AP1B1: variants seen among roughly 807,000 people sequenced by gnomAD.
AP1B1 encodes the protein AP-1 complex subunit beta-1.
Under a neutral mutation model 104.3 loss-of-function variants are expected in AP1B1, and 36 were observed. The observed-to-expected ratio is 0.35, with a 90% CI of 0.26 to 0.46. The LOEUF (loss-of-function observed/expected upper bound fraction) is 0.46. AP1B1 is among the 20% of genes least tolerant of loss of function. AP1B1 has a pLI of 1.00. For missense variants in AP1B1, 901 were observed against 1,247.9 expected, an observed-to-expected ratio of 0.72 and a Z score of 4.19; for synonymous variants, 504 against 517.5, an observed-to-expected ratio of 0.97 and a Z score of 0.35.
intron 21 of AP1B1, 55 bp from the exon 22 acceptor site, chr22:29,329,775 A>G: frequency 1.9e-6 from 3 of 1,610,832 alleles, no homozygotes; most frequent in South Asian, 1.1e-5. Flanking sequence ...ACACAGGGAG[A>G]CGGAAGTTAC....
chr22:29,386,042 C>T (rs1324494979), intron 1 of AP1B1, among the ~76,000 whole-genome samples: 2 of 152,198 alleles, frequency 1.3e-5, no homozygotes, highest in African/African-American at 4.8e-5. Context: ...AAGGAAGTAA[C>T]GCTCCAGAAG....
chr22:29,360,248 T>C (rs2062024450), intron 3 of AP1B1, among the ~76,000 whole-genome samples: 1 of 152,220 alleles, frequency 6.6e-6, no homozygotes, highest in Non-Finnish European at 1.5e-5. Context: ...TCTTGCTAGC[T>C]ATATGACATT....
chr22:29,330,431 C>T lies in AP1B1; in HGVS notation c.2713G>A (p.Gly905Ser), dbSNP rs764213357. Reference protein sequence around the residue: ...MLYQSLKLTNGIWVLAELRIQ... With the variant: ...MLYQSLKLTNSIWVLAELRIQ... ...CGCAGCTCCGCCAGCACCCAGATGC[C>T]GTTGGTCAGCTTCAGGGACTGGTAG... is the stretch of plus-strand genomic sequence containing the variant. Residue 905 changes from glycine (G) to serine (S), a missense_variant, in exon 21 of 23, where the codon GGC (glycine) becomes AGC (serine). By Grantham distance (56) the Gly-to-Ser change is moderately conservative. Around this residue, in one of 3 missense-constraint regions of AP1B1, gnomAD observed 424 missense variants for 494.0 expected, o/e 0.86. Transcript: ENST00000357586. 3.7e-6 allele frequency: 6 copies of T among 1,613,862 alleles called. No homozygotes were observed. The highest frequency in any genetic ancestry group is 2.2e-5 in the South Asian group (2 of 91,090).
At chr22:29,354,948 T>C in intron 6 of AP1B1, 77 bp from the exon 7 acceptor site, 7 of 1,341,054 alleles carry the variant, frequency 5.2e-6, no homozygotes, top group Non-Finnish European at 7.4e-6. Context: ...CAAAATAGCA[T>C]GTCCAGGCCA....
chr22:29,373,773 G>A (rs2062283180), intron 1 of AP1B1, among the ~76,000 whole-genome samples: 1 of 151,896 alleles, frequency 6.6e-6, no homozygotes, highest in African/African-American at 2.4e-5. Flanking sequence ...CTGGTAGTGG[G>A]CACCTGTAAT....
intron 11 of AP1B1, 144 bp downstream of exon 11, chr22:29,349,074 C>A: frequency 2.2e-6 from 2 of 906,054 alleles, no homozygotes; most frequent in Non-Finnish European, 3.3e-6. Context: ...GGAAAAGGGG[C>A]GGTGTCCATT....
chr22:29,342,406 G>A, intron 11 of AP1B1, 23 bp from the exon 12 acceptor site: 3 of 1,602,110 alleles, frequency 1.9e-6, no homozygotes, highest in Non-Finnish European at 2.6e-6. Context: ...GCGGTGACGA[G>A]GAGGAAGTGT....
intron 7 of AP1B1, among the ~76,000 whole-genome samples, chr22:29,354,256 A>T (rs2061920672): frequency 6.6e-6 from 1 of 152,200 alleles, no homozygotes; most frequent in Non-Finnish European, 1.5e-5. Flanking sequence ...TATGAAGACA[A>T]TATCTAGTTT....
intron 22 of AP1B1, chr22:29,329,385 G>A (rs2061523103): frequency 8.0e-7 from 1 of 1,249,680 alleles, no homozygotes; most frequent in Non-Finnish European, 1.0e-6. Context: ...CTGAGCTTGA[G>A]ATCACAGGCA....
chr22:29,354,759 A>G lies in AP1B1; in HGVS notation c.829T>C (p.Tyr277His). 6.2e-7 allele frequency: 1 copy of G among 1,614,142 alleles called. No homozygotes were observed. The highest frequency in any genetic ancestry group is 8.5e-7 in the Non-Finnish European group (1 of 1,180,032). ...GCCAGCTTCTTGAGCAGTGTGCCGT[A>G]GTAGTCCAAGTCCTTAGACAACATC... ...MEMLSKDLDY[Y>H]GTLLKKLAPP... Residue 277 changes from tyrosine (Y) to histidine (H), a missense_variant, in exon 7 of 23, where the codon TAC becomes CAC. Coordinates refer to ENST00000357586, the MANE Select transcript of AP1B1 (RefSeq NM_001127.4).
chr22:29,371,282 A>T (rs2062232575), intron 1 of AP1B1, among the ~76,000 whole-genome samples: 1 of 152,198 alleles, frequency 6.6e-6, no homozygotes, highest in Non-Finnish European at 1.5e-5. Flanking sequence ...GTTCAGTCCT[A>T]ACGGGGCTCA....
chr22:29,377,398 T>C (rs1421889161), intron 1 of AP1B1, among the ~76,000 whole-genome samples: 1 of 152,016 alleles, frequency 6.6e-6, no homozygotes, highest in African/African-American at 2.4e-5. Flanking sequence ...TCAATCACTA[T>C]GAGAAAATAA....
intron 7 of AP1B1, among the ~76,000 whole-genome samples, chr22:29,353,877 A>T (rs1227895703): frequency 6.6e-6 from 1 of 152,198 alleles, no homozygotes; most frequent in Non-Finnish European, 1.5e-5. Flanking sequence ...TTTGACCAAA[A>T]GCTGTGAGGA....
chr22:29,375,950 A>C (rs142903402), intron 1 of AP1B1, among the ~76,000 whole-genome samples: 226 of 152,148 alleles, frequency 1.5e-3, no homozygotes, highest in African/African-American at 5.0e-3. Context: ...AAGCTTGAAA[A>C]CCAGTCTACT....
rs1271806353 is a variant in AP1B1, at chr22:29,349,580, C to G, written c.1272-197G>C. 2.6e-5 allele frequency among the ~76,000 whole-genome samples: 4 copies of G among 151,668 alleles called. No individual in the cohort carries two copies. The East Asian group carries it at 7.7e-4, about 29-fold the overall frequency. ...CCAGGCTGGTGTGCAGTGGTGTGATCTCACCTCACTGCAACCTCCACCTCC... is the reference window on the plus strand; with the variant it reads ...CCAGGCTGGTGTGCAGTGGTGTGATGTCACCTCACTGCAACCTCCACCTCC... On this transcript the variant is annotated intron_variant, in intron 10 of 22. Coordinates refer to ENST00000357586, the MANE Select transcript of AP1B1 (RefSeq NM_001127.4).
At position 29,334,257 on chromosome 22, in the gene AP1B1, G is replaced by A. The variant is rs376007379; in HGVS notation, c.2309+8C>T. Reference sequence around the variant, plus strand: ...TTGAGAGGTGCGCTGGCCTCAGGGAGCTCTCACCTGTTGCGGTTGAACTGG... The same window carrying A: ...TTGAGAGGTGCGCTGGCCTCAGGGAACTCTCACCTGTTGCGGTTGAACTGG... On this transcript the variant is annotated splice_region_variant and intron_variant, in intron 17 of 22. Coordinates refer to ENST00000357586, the MANE Select transcript of AP1B1 (RefSeq NM_001127.4). The A allele has an allele frequency of 3.0e-4, 475 of 1,588,278 alleles. 1 individual carries two copies. The highest frequency in any genetic ancestry group is 3.9e-4 in the Non-Finnish European group (459 of 1,168,874).
At chr22:29,347,011 A>G (rs1249195723) in intron 11 of AP1B1, among the ~76,000 whole-genome samples, 2 of 152,178 alleles carry the variant, frequency 1.3e-5, no homozygotes, top group Non-Finnish European at 2.9e-5. Flanking sequence ...GGATAATGCA[A>G]ATAGGTCCTG....
At chr22:29,366,867 CA>C in intron 2 of AP1B1, among the ~76,000 whole-genome samples, 1 of 147,348 alleles carries the variant, frequency 6.8e-6, no homozygotes, top group Non-Finnish European at 1.5e-5. Context: ...CACACACACA[CA>C]CACACACACA....
intron 15 of AP1B1, among the ~76,000 whole-genome samples, chr22:29,339,483 G>C (rs1193080341): frequency 6.6e-6 from 1 of 152,124 alleles, no homozygotes; most frequent in African/African-American, 2.4e-5. Context: ...ATCAGAGAAG[G>C]GTTGTGGGAC....
Sources: allele counts gnomAD v4.1 joint callset (sites outside exome capture counted in the v4.1 genomes callset), GRCh38; gene constraint gnomAD v4.1.1; regional missense constraint gnomAD v4.1.1; transcripts MANE v1.5; gene names NCBI Gene and HGNC (gene_info 2026-07-23, HGNC 2026-07-21).